The following CCDC148 variants were observed in gnomAD, a reference collection of about 807,000 sequenced individuals.
The protein encoded by CCDC148 is coiled-coil domain-containing protein 148.
A neutral mutation model predicts 85.7 loss-of-function variants in CCDC148; 89 were observed. That is an observed-to-expected ratio of 1.04 (90% CI 0.87 to 1.24). CCDC148 has a LOEUF of 1.24. Among genes scored for constraint, CCDC148 ranks in the 50% most tolerant of loss-of-function variants. CCDC148 has a pLI of 0.00. For missense variants in CCDC148, 692 were observed against 671.7 expected (o/e 1.03, Z -0.33); for synonymous variants, 230 against 213.9 (o/e 1.08, Z -0.66).
At chr2:158,343,436 T>C (rs1024863169) in intron 3 of CCDC148, among the ~76,000 whole-genome samples, 13 of 152,184 alleles carry the variant, frequency 8.5e-5, no homozygotes, top group African/African-American at 2.4e-4. Flanking sequence ...TGTAGGGTCG[T>C]TGTAAATATT....
At chr2:158,218,067 T>C (rs1002741603) in intron 11 of CCDC148, among the ~76,000 whole-genome samples, 13 of 152,198 alleles carry the variant, frequency 8.5e-5, no homozygotes, top group African/African-American at 3.1e-4. Flanking sequence ...ACATCTATAA[T>C]ATTATAAAAA....
intron 11 of CCDC148, among the ~76,000 whole-genome samples, chr2:158,182,833 A>C (rs1684969097): frequency 6.6e-6 from 1 of 152,180 alleles, no homozygotes; most frequent in Admixed American, 6.6e-5. Flanking sequence ...GTGATGCAGA[A>C]AAACTCCTGG....
chr2:158,215,226 A>C (rs1686786080), intron 11 of CCDC148, among the ~76,000 whole-genome samples: 2 of 152,252 alleles, frequency 1.3e-5, no homozygotes, highest in Admixed American at 1.3e-4. Context: ...AATTTAGAAC[A>C]ATTTAGCTCA....
At chr2:158,287,485 A>AGCCAT (rs1690681393) in intron 9 of CCDC148, among the ~76,000 whole-genome samples, 1 of 152,132 alleles carries the variant, frequency 6.6e-6, no homozygotes, top group South Asian at 2.1e-4. Flanking sequence ...GAGTAAATAG[A>AGCCAT]GCCATTTTAA....
rs528560701 is a variant in CCDC148, at chr2:158,274,394, C to T, written c.1111-23482G>A. Among the ~76,000 whole-genome samples the T allele has an allele frequency of 5.3e-5, 8 of 152,250 alleles. No individual in the cohort carries two copies. The South Asian group carries it at 1.2e-3, about 24-fold the overall frequency. On this transcript the variant is annotated intron_variant, in intron 9 of 13. Transcript: ENST00000283233. ...GGGTTTGAGTCATGAATACAAACAT[C>T]TAGATCCATCGACACCTGCAGCTGT...
chr2:158,229,916 C>T (rs1687766266), intron 10 of CCDC148, among the ~76,000 whole-genome samples: 3 of 152,168 alleles, frequency 2.0e-5, no homozygotes, highest in South Asian at 2.1e-4. Context: ...CTTAGCAACT[C>T]GCTTTTTCCC....
intron 2 of CCDC148, 127 bp from the exon 3 acceptor site, chr2:158,345,445 T>G (rs1037842722): frequency 3.5e-6 from 2 of 564,332 alleles, no homozygotes; most frequent in African/African-American, 3.9e-5. Context: ...TTAGTGCATC[T>G]CCTAACACAA....
intron 10 of CCDC148, among the ~76,000 whole-genome samples, chr2:158,237,428 TAGG>T (rs1281742215): frequency 1.3e-5 from 2 of 151,954 alleles, no homozygotes; most frequent in African/African-American, 4.8e-5. Context: ...ACATATTAAT[TAGG>T]AGATTAGGAA....
chr2:158,406,685 T>A (rs1457660490), intron 1 of CCDC148, among the ~76,000 whole-genome samples: 2 of 135,790 alleles, frequency 1.5e-5, no homozygotes, highest in Non-Finnish European at 3.1e-5. Flanking sequence ...TACAGTGGCA[T>A]GATCACAGCT....
chr2:158,258,453 T>C (rs1574494960), intron 9 of CCDC148, among the ~76,000 whole-genome samples: 1 of 151,884 alleles, frequency 6.6e-6, no homozygotes, highest in African/African-American at 2.4e-5. Flanking sequence ...GTTTGAGTCC[T>C]ACCTCTGTGA....
Position 158,176,677 on chromosome 2 carries a change from C to A in CCDC148, c.1489-16G>T, listed in dbSNP as rs923438490. 1.1e-5 allele frequency: 17 copies of A among 1,610,922 alleles called. No individual in the cohort carries two copies. Among genetic ancestry groups the A allele is most frequent in the Non-Finnish European group, 1.4e-5 (17 of 1,178,394 alleles). On this transcript the variant is annotated splice_polypyrimidine_tract_variant and intron_variant, in intron 12 of 13. Transcript: ENST00000283233. ...CAACAGCAACCTAAAAATGAGAAAG[C>A]ATGGCTACTTGGAACAAGGTACAAA...
rs993983777 is a variant in CCDC148 at position 158,311,274 on chromosome 2, A to C, written c.904-1635T>G. Among the ~76,000 whole-genome samples the C allele has an allele frequency of 2.0e-5, 3 of 152,232 alleles. 1 individual carries two copies. In the South Asian group the frequency reaches 6.2e-4, roughly 31 times the overall value. The stretch of plus-strand genomic sequence containing the variant: ...CACTCGAGGTCAGGAGCTGGAGACC[A>C]GCCCGGCCAACACGGCGAAACCCCG... On this transcript the variant is annotated intron_variant, in intron 8 of 13. Transcript: ENST00000283233.
chr2:158,240,435 TTCTC>T (rs72429578), intron 10 of CCDC148, among the ~76,000 whole-genome samples: 16 of 126,520 alleles, frequency 1.3e-4, no homozygotes, highest in South Asian at 6.2e-4. Context: ...CACTCTCTCT[TTCTC>T]TCTCTCTCTC....
At chr2:158,328,723 G>T (rs1481841912) in intron 7 of CCDC148, among the ~76,000 whole-genome samples, 1 of 152,176 alleles carries the variant, frequency 6.6e-6, no homozygotes, top group African/African-American at 2.4e-5. Flanking sequence ...GTGTGAGATG[G>T]TATCTCATTG....
At chr2:158,288,618 T>A (rs1311808554) in intron 9 of CCDC148, 1 of 179,786 alleles carries the variant, frequency 5.6e-6, no homozygotes, top group Non-Finnish European at 1.2e-5. Context: ...ACTATCAGCA[T>A]TTTTGTCAAA....
At chr2:158,273,013 G>A (rs1177592415) in intron 9 of CCDC148, among the ~76,000 whole-genome samples, 1 of 152,122 alleles carries the variant, frequency 6.6e-6, no homozygotes, top group East Asian at 1.9e-4. Context: ...CATATGAAGT[G>A]GATTCACTTT....
At chr2:158,357,628 T>G (rs1683730162) in intron 2 of CCDC148, among the ~76,000 whole-genome samples, 1 of 152,162 alleles carries the variant, frequency 6.6e-6, no homozygotes, top group Admixed American at 6.6e-5. Context: ...ACCAAATAAA[T>G]AATTCCCTGG....
At chr2:158,262,187 A>C (rs1425257375) in intron 9 of CCDC148, among the ~76,000 whole-genome samples, 1 of 152,160 alleles carries the variant, frequency 6.6e-6, no homozygotes, top group Non-Finnish European at 1.5e-5. Context: ...AGCCATAAAA[A>C]AGAACAAGAT....
At position 158,406,501 on chromosome 2, in the gene CCDC148, C is replaced by A. The variant is rs1686004467; in HGVS notation, c.26-47931G>T. 1.3e-5 allele frequency among the ~76,000 whole-genome samples: 2 copies of A among 151,886 alleles called. 1 individual carries two copies. The highest frequency in any genetic ancestry group is 4.2e-4 in the South Asian group (2 of 4,796). On this transcript the variant is annotated intron_variant, in intron 1 of 13. Coordinates refer to ENST00000283233, the MANE Select transcript of CCDC148 (RefSeq NM_138803.4). The stretch of plus-strand genomic sequence containing the variant: ...GGGGAGAGGCTGGCCCTTTTGTTCT[C>A]TCTAATATTCCTCTACTCACAATGA...
Sources: allele counts gnomAD v4.1 joint callset (sites outside exome capture counted in the v4.1 genomes callset), GRCh38; gene constraint gnomAD v4.1.1; transcripts MANE v1.5; gene names NCBI Gene and HGNC (gene_info 2026-07-23, HGNC 2026-07-21).